The following OPRD1 variants were observed in gnomAD, a reference collection of about 807,000 sequenced individuals.
The protein encoded by OPRD1 is opioid receptor delta 1.
Under a neutral mutation model 17.5 loss-of-function variants are expected in OPRD1, and 19 were observed. The ratio of observed to expected loss-of-function variants is 1.09; its 90% confidence interval spans 0.76 to 1.60. The LOEUF (loss-of-function observed/expected upper bound fraction) is 1.60. Ranked by LOEUF, OPRD1 falls within the 40% of genes most tolerant of loss-of-function variation. The pLI is 0.00. For missense variants in OPRD1, 483 were observed against 547.2 expected (o/e 0.88, Z 1.17); for synonymous variants, 256 against 240.9 (o/e 1.06, Z -0.58).
intron 1 of OPRD1, among the ~76,000 whole-genome samples, chr1:28,824,040 G>T (rs1439693767): frequency 2.0e-5 from 3 of 151,328 alleles, no homozygotes; most frequent in Non-Finnish European, 4.4e-5. Context: ...TAGCCGGGCG[G>T]TAGTGGTGCA....
intron 2 of OPRD1, 43 bp downstream of exon 2, chr1:28,859,346 G>T: frequency 6.5e-7 from 1 of 1,546,110 alleles, no homozygotes; most frequent in Non-Finnish European, 8.8e-7. Context: ...CTGACCACAG[G>T]AGGCAGTACA....
chr1:28,837,811 A>G (rs1030575963), intron 1 of OPRD1, among the ~76,000 whole-genome samples: 1 of 148,880 alleles, frequency 6.7e-6, no homozygotes, highest in Non-Finnish European at 1.5e-5. Context: ...GTGAGCCATG[A>G]CACCCAACTC....
chr1:28,860,468 A>G (rs933524924), intron 2 of OPRD1, among the ~76,000 whole-genome samples: 1 of 152,186 alleles, frequency 6.6e-6, no homozygotes, highest in Admixed American at 6.5e-5. Context: ...AGGGCTCCAC[A>G]GACATAGTAA....
chr1:28,853,525 A>G (rs918069074), intron 1 of OPRD1, among the ~76,000 whole-genome samples: 2 of 152,240 alleles, frequency 1.3e-5, no homozygotes, highest in African/African-American at 2.4e-5. Context: ...ACTATCTAAA[A>G]TGGATGAATC....
In OPRD1 at chr1:28,860,380, T is replaced by A. The variant is rs560568558; in HGVS notation, c.577+1077T>A. Among the ~76,000 whole-genome samples the A allele has an allele frequency of 1.6e-3, 241 of 149,662 alleles. 2 individuals carry two copies. The highest frequency in any genetic ancestry group is 5.7e-3 in the African/African-American group (231 of 40,544). Reference sequence around the variant, plus strand: ...ACTTGTCTAAAAAAAAAAAAAAAAATTTATGGCCCATTTCTTCTAGTGACA... The same window carrying A: ...ACTTGTCTAAAAAAAAAAAAAAAAAATTATGGCCCATTTCTTCTAGTGACA... On this transcript the variant is annotated intron_variant, in intron 2 of 2. Transcript: ENST00000234961.
At chr1:28,818,840 GAGGAGCC>G (rs1365467299) in intron 1 of OPRD1, among the ~76,000 whole-genome samples, 1 of 152,140 alleles carries the variant, frequency 6.6e-6, no homozygotes, top group African/African-American at 2.4e-5. Flanking sequence ...ATGACTGTGT[GAGGAGCC>G]AGAGGCCGTG....
rs2088638487 is a variant in OPRD1, at chr1:28,812,436, A to G, written c.53A>G (p.Asn18Ser). 6.7e-7 allele frequency: 1 copy of G among 1,492,696 alleles called. No individual in the cohort carries two copies. Among genetic ancestry groups the G allele is most frequent in the Non-Finnish European group, 8.9e-7 (1 of 1,128,086 alleles). The allele number at this position is 1,492,696 out of a possible 1,614,324, so 92.5% of individuals were successfully genotyped here. Residue 18 changes from asparagine to serine, a missense_variant, in exon 1 of 3, where the codon AAC becomes AGC. Physicochemically the swap from Asn to Ser is conservative, Grantham distance 46. Transcript: ENST00000234961. The part of the protein sequence containing the change: ...GAELQPPLFA[N>S]ASDAYPSACP... ...GAGCTGCAGCCCCCGCTCTTCGCCA[A>G]CGCCTCGGACGCCTACCCTAGCGCC...
At chr1:28,853,769 T>C (rs993232556) in intron 1 of OPRD1, among the ~76,000 whole-genome samples, 6 of 151,090 alleles carry the variant, frequency 4.0e-5, no homozygotes, top group African/African-American at 1.5e-4. Context: ...TTTTTTGAGA[T>C]AGGGTTTCAC....
chr1:28,849,970 C>T (rs1379895713), intron 1 of OPRD1, among the ~76,000 whole-genome samples: 1 of 151,018 alleles, frequency 6.6e-6, no homozygotes, highest in African/African-American at 2.4e-5. Context: ...AGCTCCGCCT[C>T]CCAGGTTCAC....
chr1:28,821,089 T>G (rs527940032), intron 1 of OPRD1, among the ~76,000 whole-genome samples: 1 of 152,116 alleles, frequency 6.6e-6, no homozygotes, highest in African/African-American at 2.4e-5. Flanking sequence ...TGTTTCTCAA[T>G]TTTATTTATT....
chr1:28,818,533 C>T (rs577478525), intron 1 of OPRD1, among the ~76,000 whole-genome samples: 213 of 152,244 alleles, frequency 1.4e-3, no homozygotes, highest in Middle Eastern at 0.01. Flanking sequence ...ATAGAGGGAA[C>T]CACAGGAGCA....
At chr1:28,817,148 T>C (rs1371203792) in intron 1 of OPRD1, among the ~76,000 whole-genome samples, 1 of 152,170 alleles carries the variant, frequency 6.6e-6, no homozygotes, top group African/African-American at 2.4e-5. Context: ...CCTCAGCCCA[T>C]GTCTCTTCTG....
chr1:28,822,530 G>T (rs1413956712), intron 1 of OPRD1, among the ~76,000 whole-genome samples: 3 of 152,060 alleles, frequency 2.0e-5, no homozygotes, highest in Admixed American at 2.0e-4. Context: ...GCACAGGTTG[G>T]AGTGCAGTGG....
rs2089143783 is a variant in OPRD1 at position 28,863,306 on chromosome 1, C to T, written c.*23C>T. 7.1e-7 allele frequency: 1 copy of T among 1,413,854 alleles called. No homozygotes were observed. The highest frequency in any genetic ancestry group is 2.7e-5 in the East Asian group (1 of 36,446). The allele number at this position is 1,413,854 out of a possible 1,614,324, so 87.6% of individuals were successfully genotyped here. A position where few individuals can be genotyped will look rare whatever the true frequency, so the allele number is the denominator to read the frequency against. On this transcript the variant is annotated 3_prime_UTR_variant, in exon 3 of 3. Transcript: ENST00000234961. The stretch of plus-strand genomic sequence containing the variant: ...TGACCAGGCCATCCGGCCCCCAGAG[C>T]GCCCCTCCCTAGTGACCCGGAGGCC...
Position 28,812,376 on chromosome 1 carries a change from C to A in OPRD1, c.-8C>A. 1 of 1,378,914 alleles carries A rather than the reference C, an allele frequency of 7.3e-7. No individual in the cohort carries two copies. The highest frequency in any genetic ancestry group is 9.3e-7 in the Non-Finnish European group (1 of 1,074,550). The allele number at this position is 1,378,914 out of a possible 1,614,324, so 85.4% of individuals were successfully genotyped here. On this transcript the variant is annotated 5_prime_UTR_variant, in exon 1 of 3. Transcript: ENST00000234961. The stretch of plus-strand genomic sequence containing the variant: ...TGGAGAGGGACGCGGCGGAGCCGGC[C>A]GGCAGCCATGGAACCGGCCCCCTCC...
At chr1:28,819,728 T>C (rs991975911) in intron 1 of OPRD1, among the ~76,000 whole-genome samples, 2 of 152,158 alleles carry the variant, frequency 1.3e-5, no homozygotes, top group Non-Finnish European at 2.9e-5. Context: ...AATCACTCCA[T>C]GTTTCCATCT....
At chr1:28,846,858 C>CTTTCTTTCTTTCTTTCTTTCTTTCTTTCT (rs2088953830) in intron 1 of OPRD1, among the ~76,000 whole-genome samples, 4 of 54,358 alleles carry the variant, frequency 7.4e-5, no homozygotes, top group African/African-American at 2.0e-4. Flanking sequence ...TTCTTTCTTT[C>CTTTCTTTCTTTCTTTCTTTCTTTCTTTCT]TTTCTTTCTT....
Position 28,863,665 on chromosome 1 carries a change from A to T in OPRD1, c.*382A>T. ...GAGACAGCTTCGGTTTCTAACTTGG[A>T]GCCGGACTTTCGGAGTTGGGGGTCC... On this transcript the variant is annotated 3_prime_UTR_variant, in exon 3 of 3. Coordinates refer to ENST00000234961, the MANE Select transcript of OPRD1 (RefSeq NM_000911.4). 5.0e-6 allele frequency: 1 copy of T among 201,140 alleles called. No homozygotes were observed. 12.5% of individuals were successfully genotyped at this position (201,140 alleles called of 1,614,324 possible).
intron 1 of OPRD1, among the ~76,000 whole-genome samples, chr1:28,813,704 G>A (rs1436585717): frequency 6.6e-6 from 1 of 152,166 alleles, no homozygotes; most frequent in Non-Finnish European, 1.5e-5. Flanking sequence ...AGTTGAAAAT[G>A]GGTCCTTCAT....
Sources: allele counts gnomAD v4.1 joint callset (sites outside exome capture counted in the v4.1 genomes callset), GRCh38; gene constraint gnomAD v4.1.1; transcripts MANE v1.5; gene names NCBI Gene and HGNC (gene_info 2026-07-23, HGNC 2026-07-21).